Variants in FAM193A observed in about 807,000 individuals in gnomAD.
FAM193A encodes protein FAM193A.
Under a neutral mutation model 126.5 loss-of-function variants are expected in FAM193A, and 22 were observed. The ratio of observed to expected loss-of-function variants is 0.17; its 90% CI spans 0.12 to 0.25. The LOEUF is 0.25. FAM193A is among the 10% of genes least tolerant of loss of function. The probability of loss-of-function intolerance (pLI) is 1.00; values close to 1 mark genes in which losing one functional copy is unlikely to be tolerated. For missense variants in FAM193A, 1,675 were observed against 1,672.8 expected (o/e 1.00, Z -0.02); for synonymous variants, 761 against 646.8 (o/e 1.18, Z -2.68).
chr4:2,592,978 A>ATATT lies in FAM193A; in HGVS notation c.256-3105_256-3102dup, dbSNP rs1303783713. ...GGACCCTGGGTGGCAGCTTAGGAGG[A>ATATT]TATTGCCTCAGTTGTGGGTAAGAGG... On this transcript the variant is annotated intron_variant, in intron 1 of 20. Coordinates refer to ENST00000637812, the MANE Select transcript of FAM193A (RefSeq NM_001366318.2). Among the ~76,000 whole-genome samples, 3 of 152,046 alleles carry ATATT rather than the reference A, an allele frequency of 2.0e-5. No individual in the cohort carries two copies. The East Asian group carries it at 5.8e-4, about 29-fold the overall frequency.
rs59143784 is a variant in FAM193A at position 2,706,291 on chromosome 4, C to CTTTTT, written c.4372+5765_4372+5769dup. Among the ~76,000 whole-genome samples, 196 of 108,574 alleles carry CTTTTT rather than the reference C, an allele frequency of 1.8e-3. 1 individual carries two copies. Among genetic ancestry groups the CTTTTT allele is most frequent in the African/African-American group, 4.3e-3 (121 of 27,980 alleles). The allele number at this position is 108,574 out of a possible 152,430, so 71.2% of individuals were successfully genotyped here. ...TGTCCTACAATAAATTTCTTTCTTT[C>CTTTTT]TTTTTTTTTTTTTTTTTTTTTTGAG... On this transcript the variant is annotated intron_variant, in intron 19 of 20. Coordinates refer to ENST00000637812, the MANE Select transcript of FAM193A (RefSeq NM_001366318.2).
chr4:2,562,820 G>C (rs558170424), intron 1 of FAM193A, among the ~76,000 whole-genome samples: 1 of 147,990 alleles, frequency 6.8e-6, no homozygotes, highest in Non-Finnish European at 1.5e-5. Flanking sequence ...AGTAGAGACA[G>C]GGTTTCACCT....
chr4:2,701,304 T>A (rs1717707370), intron 19 of FAM193A, among the ~76,000 whole-genome samples: 1 of 146,766 alleles, frequency 6.8e-6, no homozygotes, highest in East Asian at 2.0e-4. Context: ...AAAAAAAAGC[T>A]CTTGTTGTTT....
intron 15 of FAM193A, among the ~76,000 whole-genome samples, chr4:2,693,299 T>C (rs1448298335): frequency 6.6e-6 from 1 of 152,074 alleles, no homozygotes; most frequent in African/African-American, 2.4e-5. Flanking sequence ...ATTACAGGCA[T>C]GAGCCACCAC....
At chr4:2,626,297 C>A (rs558845778) in intron 3 of FAM193A, 113 bp from the exon 4 acceptor site, 518 of 629,052 alleles carry the variant, frequency 8.2e-4, no homozygotes, top group Middle Eastern at 3.8e-3. Flanking sequence ...ATTGCCGGCT[C>A]CTGGGAGCTG....
At chr4:2,668,034 A>G (rs890848165) in intron 12 of FAM193A, among the ~76,000 whole-genome samples, 1 of 151,022 alleles carries the variant, frequency 6.6e-6, no homozygotes, top group African/African-American at 2.4e-5. Flanking sequence ...CTCCTTAGTA[A>G]GCTGGGACTA....
At chr4:2,595,797 C>G (rs924774808) in intron 1 of FAM193A, among the ~76,000 whole-genome samples, 75 of 152,268 alleles carry the variant, frequency 4.9e-4, no homozygotes, top group African/African-American at 1.8e-3. Flanking sequence ...AAAATTGAGG[C>G]TGACAGTTTC....
intron 20 of FAM193A, among the ~76,000 whole-genome samples, chr4:2,726,849 C>G (rs1310449052): frequency 7.0e-6 from 1 of 142,700 alleles, no homozygotes; most frequent in East Asian, 2.1e-4. Context: ...ACTCTGGAGT[C>G]TGAGGCAGGA....
rs193294820 is a variant in FAM193A, at chr4:2,561,442, C to G, written c.255+24272C>G. Among the ~76,000 whole-genome samples, 413 of 150,970 alleles carry G rather than the reference C, an allele frequency of 2.7e-3. 11 individuals carry two copies. The highest frequency in any genetic ancestry group is 0.025 in the Admixed American group (379 of 15,068). ...AAGTGATGGGCCCGCCTTGATCTCC[C>G]AAAGTGCTGGGATTACAGGCATGAG... On this transcript the variant is annotated intron_variant, in intron 1 of 20. Coordinates refer to ENST00000637812, the MANE Select transcript of FAM193A (RefSeq NM_001366318.2).
rs1157252031 is a variant in FAM193A at position 2,663,143 on chromosome 4, C to T, written c.1934C>T (p.Ser645Leu). 6.2e-7 allele frequency: 1 copy of T among 1,614,018 alleles called. No individual in the cohort carries two copies. Among genetic ancestry groups the T allele is most frequent in the Non-Finnish European group, 8.5e-7 (1 of 1,180,020 alleles). ...PQISSTSSSS[S>L]EADDEEADGE... ...ATAAGCAGTACCAGCAGTAGTTCCT[C>T]AGAAGCTGATGATGAAGAAGCGGAC... Residue 645 changes from serine to leucine, a missense_variant, in exon 12 of 21, where the codon TCA becomes TTA. Physicochemically the swap from Ser to Leu is moderately radical, Grantham distance 145 (BLOSUM62 -2). This residue lies in a region of FAM193A where 1,186 missense variants were observed against 1,109.2 expected (regional missense o/e 1.07). Coordinates refer to ENST00000637812, the MANE Select transcript of FAM193A (RefSeq NM_001366318.2).
intron 7 of FAM193A, among the ~76,000 whole-genome samples, chr4:2,650,673 G>A (rs1745572449): frequency 6.6e-6 from 1 of 152,184 alleles, no homozygotes; most frequent in Non-Finnish European, 1.5e-5. Context: ...TGACGACATA[G>A]TGCCACCTGC....
At chr4:2,730,050 A>G (rs1297059721) in intron 20 of FAM193A, among the ~76,000 whole-genome samples, 1 of 152,134 alleles carries the variant, frequency 6.6e-6, no homozygotes, top group Admixed American at 6.5e-5. Context: ...CTATAGGCAC[A>G]TATGTGTACT....
At chr4:2,646,255 C>T (rs1345312966) in intron 6 of FAM193A, among the ~76,000 whole-genome samples, 9 of 150,086 alleles carry the variant, frequency 6.0e-5, no homozygotes, top group Non-Finnish European at 1.2e-4. Context: ...CTGCAACCTC[C>T]GCCTCCCGGG....
intron 13 of FAM193A, among the ~76,000 whole-genome samples, chr4:2,674,365 G>C (rs966887328): frequency 6.6e-6 from 1 of 152,232 alleles, no homozygotes; most frequent in Non-Finnish European, 1.5e-5. Flanking sequence ...CCACCAGTGA[G>C]TTGTGGACAG....
intron 12 of FAM193A, among the ~76,000 whole-genome samples, chr4:2,669,245 C>CT (rs1484305179): frequency 6.6e-6 from 1 of 152,192 alleles, no homozygotes; most frequent in African/African-American, 2.4e-5. Flanking sequence ...TTTTACCTTC[C>CT]TTTAATATGT....
intron 7 of FAM193A, among the ~76,000 whole-genome samples, chr4:2,650,050 C>T (rs1010759205): frequency 6.6e-6 from 1 of 152,160 alleles, no homozygotes; most frequent in African/African-American, 2.4e-5. Flanking sequence ...TCTCCCATCA[C>T]CCCTAGATGG....
rs542508784 is a variant in FAM193A at position 2,542,967 on chromosome 4, ATAACT to A, written c.255+5800_255+5804del. 5.4e-3 allele frequency among the ~76,000 whole-genome samples: 815 copies of A among 152,290 alleles called. 6 individuals carry two copies. Among genetic ancestry groups the A allele is most frequent in the Admixed American group, 0.016 (241 of 15,262 alleles). ...AGGACCATGGGAGAAGTAGGAAAACATAACTTAGCTTATAGGGTCTTTGACTCAAA... is the reference window on the plus strand; with the variant it reads ...AGGACCATGGGAGAAGTAGGAAAACATAGCTTATAGGGTCTTTGACTCAAA... On this transcript the variant is annotated intron_variant, in intron 1 of 20. Coordinates refer to ENST00000637812, the MANE Select transcript of FAM193A (RefSeq NM_001366318.2).
At chr4:2,572,792 TTTTTTA>T (rs912512276) in intron 1 of FAM193A, among the ~76,000 whole-genome samples, 6 of 150,974 alleles carry the variant, frequency 4.0e-5, no homozygotes, top group African/African-American at 1.5e-4. Flanking sequence ...TTTTTTTTTT[TTTTTTA>T]AAGACCTGGC....
chr4:2,716,182 C>A, intron 20 of FAM193A, 78 bp downstream of exon 20: 1 of 958,658 alleles, frequency 1.0e-6, no homozygotes, highest in Non-Finnish European at 1.7e-6. Context: ...CTTTCCATGG[C>A]ACTTCTAGTT....
Sources: gnomAD v4.1 joint callset for allele counts (sites outside exome capture counted in the v4.1 genomes callset) on GRCh38, gnomAD v4.1.1 for gene constraint, gnomAD v4.1.1 regional missense constraint, MANE v1.5 for transcripts, NCBI Gene and HGNC (gene_info 2026-07-23, HGNC 2026-07-21) for gene names.